The following SASH1 variants were observed in gnomAD, a reference collection of about 807,000 sequenced individuals.
SASH1 encodes SAM and SH3 domain-containing protein 1.
In SASH1, 44 loss-of-function variants were observed where a neutral mutation model predicts 125.2. The ratio of observed to expected loss-of-function variants is 0.35; its 90% CI spans 0.28 to 0.45. The LOEUF (loss-of-function observed/expected upper bound fraction) is 0.45, where lower values mean the gene tolerates loss of function less well. Ranked by LOEUF, SASH1 falls within the 20% of genes least tolerant of loss-of-function variation. The pLI is 1.00. For missense variants in SASH1, 1,426 were observed against 1,614.5 expected (o/e 0.88, Z 2.00); for synonymous variants, 639 against 649.1 (o/e 0.98, Z 0.24).
chr6:148,412,110 T>TACATACATACAA (rs1321864854), intron 2 of SASH1, among the ~76,000 whole-genome samples: 1 of 152,214 alleles, frequency 6.6e-6, no homozygotes. Flanking sequence ...TGAAGGAATA[T>TACATACATACAA]ATATATATGT....
intron 1 of SASH1, 36 bp from the exon 2 acceptor site, chr6:148,390,098 A>T (rs371282869): frequency 5.6e-6 from 9 of 1,609,844 alleles, no homozygotes; most frequent in Admixed American, 1.7e-5. Flanking sequence ...TCCAGGGTGG[A>T]CTGACCTGAC....
intron 1 of SASH1, among the ~76,000 whole-genome samples, chr6:148,302,678 CA>C (rs1562314413): frequency 2.0e-3 from 83 of 41,692 alleles, no homozygotes; most frequent in African/African-American, 7.1e-3. Context: ...CACACACACA[CA>C]CGGAGAAATA....
chr6:148,387,455 TTCTTCTCTTTTC>T (rs1783421413), intron 1 of SASH1, among the ~76,000 whole-genome samples: 1 of 151,390 alleles, frequency 6.6e-6, no homozygotes, highest in African/African-American at 2.4e-5. Context: ...CTCTTCCCTT[TTCTTCTCTTTTC>T]TCTTCTCTTC....
intron 1 of SASH1, among the ~76,000 whole-genome samples, chr6:148,357,297 C>G (rs1400768960): frequency 1.3e-5 from 2 of 152,162 alleles, no homozygotes; most frequent in East Asian, 3.8e-4. Flanking sequence ...TATTCAATAA[C>G]CATAATTCAA....
intron 9 of SASH1, among the ~76,000 whole-genome samples, chr6:148,517,829 T>C (rs1277568597): frequency 1.3e-5 from 2 of 152,218 alleles, no homozygotes; most frequent in African/African-American, 2.4e-5. Context: ...AAGCAACTGC[T>C]GAGTGACAGA....
At chr6:148,306,032 A>G (rs1780121133) in intron 1 of SASH1, among the ~76,000 whole-genome samples, 1 of 152,180 alleles carries the variant, frequency 6.6e-6, no homozygotes, top group East Asian at 1.9e-4. Flanking sequence ...CCATAAATAT[A>G]TACACCTACT....
chr6:148,264,573 C>T, the SASH1 span, among the ~76,000 whole-genome samples: 1 of 152,230 alleles, frequency 6.6e-6, no homozygotes, highest in Non-Finnish European at 1.5e-5. Flanking sequence ...CTATACAACC[C>T]GGCCTCTCAA....
At chr6:148,264,176 C>CAAAAAA in the SASH1 span, among the ~76,000 whole-genome samples, 1 of 52,406 alleles carries the variant, frequency 1.9e-5, no homozygotes, top group African/African-American at 6.4e-5. Context: ...TTATTTTGAC[C>CAAAAAA]GAAAAAAAAA....
At chr6:148,542,481 G>A (rs935241579) in intron 17 of SASH1, among the ~76,000 whole-genome samples, 11 of 152,094 alleles carry the variant, frequency 7.2e-5, no homozygotes, top group Admixed American at 7.2e-4. Context: ...CCACCTCCCG[G>A]GTTCATGCCA....
At chr6:148,252,714 C>T in the SASH1 span, among the ~76,000 whole-genome samples, 2 of 152,052 alleles carry the variant, frequency 1.3e-5, no homozygotes, top group East Asian at 1.9e-4. Context: ...GCTGACCTCA[C>T]GTGATCCATC....
rs768574181 is a variant in SASH1, at chr6:148,343,153, C to A, written c.86C>A (p.Pro29Gln). Residue 29 changes from proline (P) to glutamine (Q), a missense_variant, in exon 1 of 20, where the codon CCG becomes CAG. By Grantham distance (76) the Pro-to-Gln change is moderately conservative. Transcript: ENST00000367467. The part of the protein sequence containing the change: ...PEPEPAPEPE[P>Q]EPKPGAGTSE... Reference sequence around the variant, plus strand: ...CCCGAGCCCGCGCCGGAGCCGGAACCGGAGCCCAAGCCGGGTGCTGGCACA... The same window carrying A: ...CCCGAGCCCGCGCCGGAGCCGGAACAGGAGCCCAAGCCGGGTGCTGGCACA... 2 of 1,599,716 alleles carry A rather than the reference C, an allele frequency of 1.3e-6. No individual in the cohort carries two copies. Among genetic ancestry groups the A allele is most frequent in the Admixed American group, 1.7e-5 (1 of 59,904 alleles).
chr6:148,264,360 T>C, the SASH1 span, among the ~76,000 whole-genome samples: 1 of 152,202 alleles, frequency 6.6e-6, no homozygotes, highest in Non-Finnish European at 1.5e-5. Context: ...GAGCAGATTA[T>C]AACTTCTGCT....
intron 1 of SASH1, among the ~76,000 whole-genome samples, chr6:148,308,236 T>C: frequency 6.6e-6 from 1 of 151,834 alleles, no homozygotes; most frequent in Non-Finnish European, 1.5e-5. Flanking sequence ...CAAAATTTAA[T>C]AATGGTGTTT....
chr6:148,382,767 G>A (rs1038539183), intron 1 of SASH1, among the ~76,000 whole-genome samples: 4 of 152,128 alleles, frequency 2.6e-5, no homozygotes, highest in Non-Finnish European at 5.9e-5. Flanking sequence ...CACCATGACC[G>A]TATATGCCAA....
chr6:148,438,280 T>G (rs556762444), intron 2 of SASH1, among the ~76,000 whole-genome samples: 1 of 152,234 alleles, frequency 6.6e-6, no homozygotes, highest in Non-Finnish European at 1.5e-5. Context: ...CATTTAAGTT[T>G]GTAAATTTCT....
chr6:148,508,712 T>A (rs1779943212), intron 8 of SASH1: 1 of 1,205,406 alleles, frequency 8.3e-7, no homozygotes, highest in South Asian at 1.5e-5. Context: ...GGAGCCTGCC[T>A]GATCATGTAA....
chr6:148,489,473 A>G (rs919122174), intron 8 of SASH1, among the ~76,000 whole-genome samples: 4 of 152,128 alleles, frequency 2.6e-5, no homozygotes, highest in African/African-American at 9.7e-5. Flanking sequence ...TTCCACATTA[A>G]TCTTAGTTTG....
At chr6:148,326,710 G>A (rs960587397) in intron 1 of SASH1, among the ~76,000 whole-genome samples, 1 of 151,836 alleles carries the variant, frequency 6.6e-6, no homozygotes, top group African/African-American at 2.4e-5. Flanking sequence ...CCGCCATATT[G>A]CTCTTATCAC....
chr6:148,384,735 C>T (rs1461624568), intron 1 of SASH1, among the ~76,000 whole-genome samples: 1 of 152,122 alleles, frequency 6.6e-6, no homozygotes, highest in Non-Finnish European at 1.5e-5. Context: ...TTTTTAAAAA[C>T]TGCTTTATTG....
Sources: allele counts gnomAD v4.1 joint callset (sites outside exome capture counted in the v4.1 genomes callset), GRCh38; gene constraint gnomAD v4.1.1; transcripts MANE v1.5; gene names NCBI Gene and HGNC (gene_info 2026-07-23, HGNC 2026-07-21).